The following NEK3 variants were observed in gnomAD, a reference collection of about 807,000 sequenced individuals.
NEK3 encodes serine/threonine-protein kinase Nek3.
A neutral mutation model predicts 66.0 loss-of-function variants in NEK3; 54 were observed. The ratio of observed to expected loss-of-function variants is 0.82; its 90% CI spans 0.66 to 1.03. The LOEUF is 1.03. Ranked by LOEUF, NEK3 falls within the 50% of genes least tolerant of loss-of-function variation. The pLI is 0.00. For missense variants in NEK3, 593 were observed against 603.0 expected (o/e 0.98, Z 0.17); for synonymous variants, 200 against 206.2 (o/e 0.97, Z 0.26).
At position 52,148,460 on chromosome 13, in the gene NEK3, C is replaced by T. The variant is rs1956312278; in HGVS notation, c.558G>A (p.Trp186Ter). 1 of 1,613,414 alleles carries T rather than the reference C, an allele frequency of 6.2e-7. No homozygotes were observed. Among genetic ancestry groups the T allele is most frequent in the African/African-American group, 1.3e-5 (1 of 75,016 alleles). Residue 186 changes from tryptophan (W) to a stop codon, truncating the protein, a stop_gained, in exon 8 of 16, where the codon TGG becomes TGA. Coordinates refer to ENST00000610828, the MANE Select transcript of NEK3 (RefSeq NM_002498.3). LOFTEE classifies it high-confidence loss of function. ...NLPYNNKSDI[W>*]SLGCILYELC... ...GTTCATACAGGATGCAACCCAAGGACCAGATGTCACTGAAAGCATAAAGAA... is the reference window on the plus strand; with the variant it reads ...GTTCATACAGGATGCAACCCAAGGATCAGATGTCACTGAAAGCATAAAGAA...
intron 8 of NEK3, among the ~76,000 whole-genome samples, chr13:52,146,348 A>AATGACAAATACTACTGAATC (rs553882892): frequency 0.033 from 5,093 of 152,304 alleles, 109 homozygotes; most frequent in South Asian, 0.064. Flanking sequence ...AGATTGTGAT[A>AATGACAAATACTACTGAATC]ATGACAAATA....
intron 12 of NEK3, 23 bp from the exon 13 acceptor site, chr13:52,136,282 G>T: frequency 6.2e-7 from 1 of 1,612,168 alleles, no homozygotes; most frequent in African/African-American, 1.3e-5. Context: ...TGTGAAAAAG[G>T]AATGCCAAGC....
intron 8 of NEK3, among the ~76,000 whole-genome samples, chr13:52,146,041 T>C (rs376539300): frequency 6.6e-6 from 1 of 152,260 alleles, no homozygotes; most frequent in South Asian, 2.1e-4. Flanking sequence ...ATTTATGGTA[T>C]CTTTTGCTAT....
At position 52,147,196 on chromosome 13, in the gene NEK3, G is replaced by A. The variant is rs150905863; in HGVS notation, c.603+1219C>T. Among the ~76,000 whole-genome samples, 890 of 152,128 alleles carry A rather than the reference G, an allele frequency of 5.9e-3. 6 individuals carry two copies. The highest frequency in any genetic ancestry group is 0.019 in the African/African-American group (790 of 41,482). ...AAAAAGCTGAGGAAAAAAATGACGC[G>A]GCCACTCTTGCAAAGTTTGCTGTTT... On this transcript the variant is annotated intron_variant, in intron 8 of 15. Transcript: ENST00000610828.
At chr13:52,141,917 TAA>T (rs368362666) in intron 10 of NEK3, among the ~76,000 whole-genome samples, 46 of 112,692 alleles carry the variant, frequency 4.1e-4, no homozygotes, top group Admixed American at 6.5e-4. Context: ...CTGTCTCTAC[TAA>T]AAAAAAAAAA....
chr13:52,151,504 G>A lies in NEK3; in HGVS notation c.394-112C>T, dbSNP rs145178896. On this transcript the variant is annotated intron_variant, in intron 5 of 15. Transcript: ENST00000610828. ...GAGATTAAGGCTAGAAATGCTGACAGCTGAGTCCCAGAGTGGAACACAAAA... is the reference window on the plus strand; with the variant it reads ...GAGATTAAGGCTAGAAATGCTGACAACTGAGTCCCAGAGTGGAACACAAAA... 389 of 924,908 alleles carry A rather than the reference G, an allele frequency of 4.2e-4. 1 individual carries two copies. The African/African-American group carries it at 5.8e-3, about 14-fold the overall frequency. 57.3% of individuals were successfully genotyped at this position (924,908 alleles called of 1,614,324 possible).
chr13:52,144,043 T>G, intron 9 of NEK3, 56 bp from the exon 10 acceptor site: 1 of 908,152 alleles, frequency 1.1e-6, no homozygotes, highest in Non-Finnish European at 1.7e-6. Flanking sequence ...CTATAGATAC[T>G]GCCGTGATGT....
At chr13:52,148,762 A>G (rs1182901453) in intron 7 of NEK3, among the ~76,000 whole-genome samples, 1 of 152,154 alleles carries the variant, frequency 6.6e-6, no homozygotes, top group Non-Finnish European at 1.5e-5. Flanking sequence ...CAGCTGGAAG[A>G]AGGACTCTGG....
chr13:52,147,431 G>A lies in NEK3; in HGVS notation c.603+984C>T, dbSNP rs1384010169. Among the ~76,000 whole-genome samples, 4 of 152,162 alleles carry A rather than the reference G, an allele frequency of 2.6e-5. 1 individual carries two copies. Among genetic ancestry groups the A allele is most frequent in the African/African-American group, 7.2e-5 (3 of 41,444 alleles). On this transcript the variant is annotated intron_variant, in intron 8 of 15. Transcript: ENST00000610828. ...GTCTATACACACAATGGAATACTAT[G>A]CAGCCATAAAAAGGAATGGAATCCT...
rs9591444 is a variant in NEK3, at chr13:52,143,416, A to C, written c.877+499T>G. Among the ~76,000 whole-genome samples the C allele has an allele frequency of 2.6e-3, 399 of 152,162 alleles. 3 individuals are homozygous for C. Among genetic ancestry groups the C allele is most frequent in the African/African-American group, 9.2e-3 (380 of 41,528 alleles). On this transcript the variant is annotated intron_variant, in intron 10 of 15. Coordinates refer to ENST00000610828, the MANE Select transcript of NEK3 (RefSeq NM_002498.3). ...GTCCCCACACACATACCACCTCCCC[A>C]ATACTAACATGCCACACCATTACAG... is the stretch of plus-strand genomic sequence containing the variant.
rs550765542 is a variant in NEK3 at position 52,143,901 on chromosome 13, G to A, written c.877+14C>T. On this transcript the variant is annotated intron_variant, in intron 10 of 15. Coordinates refer to ENST00000610828, the MANE Select transcript of NEK3 (RefSeq NM_002498.3). ...AAGAGCACTTAACAAAAAATACTCTGTCAAAATTCTTACTTTTTTTTCTTG... is the reference window on the plus strand; with the variant it reads ...AAGAGCACTTAACAAAAAATACTCTATCAAAATTCTTACTTTTTTTTCTTG... The A allele has an allele frequency of 6.5e-5, 85 of 1,317,586 alleles. No individual in the cohort carries two copies. In the African/African-American group the frequency reaches 1.4e-3, roughly 21 times the overall value. The allele number at this position is 1,317,586 out of a possible 1,614,324, so 81.6% of individuals were successfully genotyped here. A position where few individuals can be genotyped will look rare whatever the true frequency, so the allele number is the denominator to read the frequency against.
At chr13:52,144,126 C>G in intron 9 of NEK3, 139 bp from the exon 10 acceptor site, 1 of 582,660 alleles carries the variant, frequency 1.7e-6, no homozygotes, top group Non-Finnish European at 2.9e-6. Flanking sequence ...TTAAAAAGTA[C>G]ATACAGGCCG....
chr13:52,141,588 G>A (rs1201744039), intron 10 of NEK3, among the ~76,000 whole-genome samples: 1 of 152,076 alleles, frequency 6.6e-6, no homozygotes, highest in Non-Finnish European at 1.5e-5. Flanking sequence ...TTCATTCAAC[G>A]TTTTAAAAAA....
chr13:52,154,160 G>C lies in NEK3; in HGVS notation c.131C>G (p.Thr44Arg). The change falls in exon 3 of 16, where the codon ACA becomes AGA. Residue 44 changes from threonine to arginine, a missense_variant. Physicochemically the swap from Thr to Arg is moderately conservative, Grantham distance 71. Coordinates refer to ENST00000610828, the MANE Select transcript of NEK3 (RefSeq NM_002498.3). ...EIRLPKSFSN[T>R]QNSRKEAVLL... ...AACAGCCTCCTTCCTAGAATTCTGT[G>C]TATTAGAGAAAGACTAGAAAAACAT... 6.2e-7 allele frequency: 1 copy of C among 1,602,554 alleles called. No individual in the cohort carries two copies.
intron 7 of NEK3, among the ~76,000 whole-genome samples, chr13:52,149,758 A>G (rs112052472): frequency 2.0e-5 from 3 of 152,008 alleles, no homozygotes; most frequent in African/African-American, 7.2e-5. Flanking sequence ...AGTCCCAGCT[A>G]CTCAGGAAGC....
Position 52,154,003 on chromosome 13 carries a change from T to C in NEK3, c.212-11A>G, listed in dbSNP as rs371149815. ...ACAAGTGTCCTTCAGCTAAAACAGA[T>C]ATAAGCTCTTTAGAAAAGCTGTAGT... is the stretch of plus-strand genomic sequence containing the variant. On this transcript the variant is annotated splice_polypyrimidine_tract_variant and intron_variant, in intron 3 of 15. Coordinates refer to ENST00000610828, the MANE Select transcript of NEK3 (RefSeq NM_002498.3). 9.1e-5 allele frequency: 147 copies of C among 1,608,800 alleles called. No individual in the cohort carries two copies. In the East Asian group the frequency reaches 9.8e-4, roughly 11 times the overall value.
intron 10 of NEK3, among the ~76,000 whole-genome samples, chr13:52,142,238 A>G (rs1007507657): frequency 2.0e-5 from 3 of 151,972 alleles, no homozygotes; most frequent in Non-Finnish European, 1.5e-5. Context: ...AATAACACCT[A>G]TGCTAAAGCA....
chr13:52,137,833 A>G (rs1369301991), intron 11 of NEK3, among the ~76,000 whole-genome samples: 1 of 152,186 alleles, frequency 6.6e-6, no homozygotes, highest in Non-Finnish European at 1.5e-5. Context: ...GCTGGCCTGC[A>G]CACAAGTTTT....
chr13:52,158,342 C>T (rs1410355112), intron 1 of NEK3, among the ~76,000 whole-genome samples: 1 of 152,182 alleles, frequency 6.6e-6, no homozygotes, highest in African/African-American at 2.4e-5. Context: ...ATAATTTCTT[C>T]ATATAACCAA....
Sources: gnomAD v4.1 joint callset for allele counts (sites outside exome capture counted in the v4.1 genomes callset) on GRCh38, gnomAD v4.1.1 for gene constraint, MANE v1.5 for transcripts, NCBI Gene and HGNC (gene_info 2026-07-23, HGNC 2026-07-21) for gene names.